The following PTPRQ variants were observed in gnomAD, a reference collection of about 807,000 sequenced individuals.
PTPRQ encodes the protein phosphatidylinositol phosphatase PTPRQ.
PTPRQ carries 199 observed loss-of-function variants against 246.0 expected under a neutral mutation model. The observed-to-expected ratio is 0.81, with a 90% CI of 0.72 to 0.91. The LOEUF is 0.91. Ranked by LOEUF, PTPRQ falls within the 40% of genes least tolerant of loss-of-function variation. The pLI is 0.00. For synonymous variants in PTPRQ, 869 were observed against 853.2 expected (o/e 1.02, Z -0.32); for missense variants, 2,624 against 2,528.4 (o/e 1.04, Z -0.81).
chr12:80,650,861 T>C (rs897621244), intron 37 of PTPRQ, among the ~76,000 whole-genome samples: 1 of 152,058 alleles, frequency 6.6e-6, no homozygotes, highest in Non-Finnish European at 1.5e-5. Flanking sequence ...CTAGTTTAAG[T>C]TTTTTGAAGA....
At chr12:80,655,189 A>C (rs2121240878) in intron 38 of PTPRQ, among the ~76,000 whole-genome samples, 1 of 152,292 alleles carries the variant, frequency 6.6e-6, no homozygotes, top group African/African-American at 2.4e-5. Flanking sequence ...AATTTTCCAT[A>C]TCTGAAGCTG....
In PTPRQ at chr12:80,619,396, C is replaced by G; in HGVS notation, c.5243C>G (p.Pro1748Arg). Reference sequence around the variant, plus strand: ...TCTTTGTTTATAGCTCCAGCACGACCAAAAACCAAACCAACCCCTATTTAT... The same window carrying G: ...TCTTTGTTTATAGCTCCAGCACGACGAAAAACCAAACCAACCCCTATTTAT... ...ITMDIKAPAR[P>R]KTKPTPIYDA... Residue 1748 changes from proline to arginine, a missense_variant, in exon 31 of 45, where the codon CCA (proline) becomes CGA (arginine). Coordinates refer to ENST00000644991, the MANE Select transcript of PTPRQ (RefSeq NM_001145026.2). The G allele has an allele frequency of 6.5e-7, 1 of 1,546,974 alleles. No homozygotes were observed. Among genetic ancestry groups the G allele is most frequent in the Non-Finnish European group, 8.7e-7 (1 of 1,144,126 alleles).
intron 14 of PTPRQ, among the ~76,000 whole-genome samples, chr12:80,499,885 A>AAT (rs1285582480): frequency 6.6e-6 from 1 of 151,920 alleles, no homozygotes; most frequent in East Asian, 1.9e-4. Flanking sequence ...TAATAATCAT[A>AAT]AATACAACTT....
chr12:80,534,832 C>A (rs1895940770), intron 18 of PTPRQ, 60 bp from the exon 19 acceptor site: 2 of 1,482,520 alleles, frequency 1.3e-6, no homozygotes, highest in Non-Finnish European at 1.8e-6. Context: ...AAATTCAGGC[C>A]ATTTCAGACA....
intron 25 of PTPRQ, among the ~76,000 whole-genome samples, chr12:80,580,714 A>T (rs1897407074): frequency 6.6e-6 from 1 of 152,298 alleles, no homozygotes; most frequent in South Asian, 2.1e-4. Flanking sequence ...TTTGAGTGAA[A>T]ATGTGGACTA....
At chr12:80,470,619 G>T (rs978660648) in intron 7 of PTPRQ, among the ~76,000 whole-genome samples, 3 of 152,176 alleles carry the variant, frequency 2.0e-5, no homozygotes, top group Admixed American at 6.5e-5. Flanking sequence ...TAAATGAGCT[G>T]CCTTCAACAA....
At chr12:80,456,515 A>C (rs1286038601) in intron 3 of PTPRQ, among the ~76,000 whole-genome samples, 1 of 152,172 alleles carries the variant, frequency 6.6e-6, no homozygotes, top group African/African-American at 2.4e-5. Context: ...GATAATTAAA[A>C]ATTTTTAATG....
At chr12:80,490,828 CTCT>C (rs1894424966) in intron 9 of PTPRQ, among the ~76,000 whole-genome samples, 1 of 152,064 alleles carries the variant, frequency 6.6e-6, no homozygotes, top group East Asian at 1.9e-4. Context: ...TCCCACTACT[CTCT>C]TAAGTCCAAA....
chr12:80,590,479 A>G (rs1385287214), intron 26 of PTPRQ, among the ~76,000 whole-genome samples: 1 of 151,968 alleles, frequency 6.6e-6, no homozygotes, highest in East Asian at 1.9e-4. Context: ...TATCCTGGCT[A>G]ACATGGTGAA....
intron 25 of PTPRQ, among the ~76,000 whole-genome samples, chr12:80,585,013 A>G (rs1897565557): frequency 6.6e-6 from 1 of 151,860 alleles, no homozygotes; most frequent in Non-Finnish European, 1.5e-5. Context: ...AATAAGCAAT[A>G]GATCTGTAAA....
At chr12:80,653,799 C>T (rs548195975) in intron 38 of PTPRQ, among the ~76,000 whole-genome samples, 2 of 152,164 alleles carry the variant, frequency 1.3e-5, no homozygotes, top group South Asian at 2.1e-4. Flanking sequence ...TTATGAAGTT[C>T]ACGAAGGAAA....
intron 25 of PTPRQ, among the ~76,000 whole-genome samples, chr12:80,554,870 G>C (rs1896599034): frequency 6.6e-6 from 1 of 152,056 alleles, no homozygotes; most frequent in Admixed American, 6.6e-5. Context: ...AGCCTCCTGA[G>C]TAGCTAGGAC....
chr12:80,514,757 T>C (rs1481635835), intron 17 of PTPRQ, among the ~76,000 whole-genome samples: 1 of 146,366 alleles, frequency 6.8e-6, no homozygotes, highest in Non-Finnish European at 1.5e-5. Flanking sequence ...TATTATATAA[T>C]TATTACATAT....
Position 80,669,111 on chromosome 12 carries a change from A to G in PTPRQ, c.6297A>G (p.Val2099=), listed in dbSNP as rs974521324. The change falls in exon 40 of 45, where the codon GTA becomes GTG. Residue 2099 remains valine, a synonymous_variant. Transcript: ENST00000644991. ...MVWETRAKTL[V]MLTQCFEKGR... ...GGGAAACCAGAGCAAAAACATTAGT[A>G]ATGCTAACACAGTGTTTTGAAAAAG... 6.5e-7 allele frequency: 1 copy of G among 1,550,230 alleles called. No individual in the cohort carries two copies. Among genetic ancestry groups the G allele is most frequent in the African/African-American group, 1.4e-5 (1 of 72,916 alleles).
At chr12:80,585,892 C>A (rs1897600140) in intron 25 of PTPRQ, among the ~76,000 whole-genome samples, 1 of 113,536 alleles carries the variant, frequency 8.8e-6, no homozygotes, top group East Asian at 3.1e-4. Context: ...CCTCCCCCCA[C>A]CCCACAACAG....
At position 80,604,075 on chromosome 12, in the gene PTPRQ, G is replaced by A. The variant is rs530144996; in HGVS notation, c.4610-984G>A. On this transcript the variant is annotated intron_variant, in intron 26 of 44. Coordinates refer to ENST00000644991, the MANE Select transcript of PTPRQ (RefSeq NM_001145026.2). ...AACTTGTATTCTTGCTAGATTATGA[G>A]TTATTTGAGGAAAGGAATATTTCAT... Among the ~76,000 whole-genome samples the A allele has an allele frequency of 6.1e-4, 92 of 151,628 alleles. 2 individuals carry two copies. In the South Asian group the frequency reaches 0.012, roughly 19 times the overall value.
intron 23 of PTPRQ, among the ~76,000 whole-genome samples, chr12:80,544,501 G>A (rs996752501): frequency 1.3e-5 from 2 of 152,118 alleles, no homozygotes; most frequent in East Asian, 3.9e-4. Flanking sequence ...ATACCATTAA[G>A]TATTCAATAC....
Position 80,646,837 on chromosome 12 carries a change from T to C in PTPRQ, c.5916-2060T>C, listed in dbSNP as rs111444448. 2.3e-3 allele frequency among the ~76,000 whole-genome samples: 345 copies of C among 152,246 alleles called. 2 individuals are homozygous for C. Among genetic ancestry groups the C allele is most frequent in the African/African-American group, 8.0e-3 (333 of 41,548 alleles). On this transcript the variant is annotated intron_variant, in intron 35 of 44. Coordinates refer to ENST00000644991, the MANE Select transcript of PTPRQ (RefSeq NM_001145026.2). ...AGCAACTTTTGGTAGAGTTTTTCAC[T>C]GAAAAGACATGAACTTAAAACAAAA...
chr12:80,467,158 C>G (rs1357571372), intron 6 of PTPRQ, among the ~76,000 whole-genome samples: 1 of 152,088 alleles, frequency 6.6e-6, no homozygotes, highest in African/African-American at 2.4e-5. Flanking sequence ...AACAAATTTA[C>G]AAGAAAAAGC....
Sources: gnomAD v4.1 joint callset for allele counts (sites outside exome capture counted in the v4.1 genomes callset) on GRCh38, gnomAD v4.1.1 for gene constraint, MANE v1.5 for transcripts, NCBI Gene and HGNC (gene_info 2026-07-23, HGNC 2026-07-21) for gene names.